Variants in TNR observed in about 807,000 individuals in gnomAD.
TNR encodes tenascin R.
Under a neutral mutation model 150.4 loss-of-function variants are expected in TNR, and 45 were observed. The ratio of observed to expected loss-of-function variants is 0.30; its 90% CI spans 0.24 to 0.38. TNR has a LOEUF of 0.38. TNR is among the 10% of genes least tolerant of loss of function. The pLI, the probability that TNR is intolerant of heterozygous loss-of-function variation, is 1.00. For synonymous variants in TNR, 687 were observed against 678.4 expected, an observed-to-expected ratio of 1.01 and a Z score of -0.20; for missense variants, 1,544 against 1,759.1, an observed-to-expected ratio of 0.88 and a Z score of 2.19.
intron 1 of TNR, among the ~76,000 whole-genome samples, chr1:175,555,391 C>T (rs1661112357): frequency 6.6e-6 from 1 of 152,040 alleles, no homozygotes; most frequent in African/African-American, 2.4e-5. Context: ...AAGAACTCCC[C>T]TGGTATTCTA....
chr1:175,374,949 C>G lies in TNR; in HGVS notation c.1963+4603G>C, dbSNP rs562618623. On this transcript the variant is annotated intron_variant, in intron 9 of 22. Transcript: ENST00000367674. Reference sequence around the variant, plus strand: ...GTGAGAGAGAGTGGATGGCTTAGGGCAAGCCCCCTCCCCTCCTGCTAAAAC... The same window carrying G: ...GTGAGAGAGAGTGGATGGCTTAGGGGAAGCCCCCTCCCCTCCTGCTAAAAC... 5.3e-5 allele frequency among the ~76,000 whole-genome samples: 8 copies of G among 152,290 alleles called. No homozygotes were observed. The East Asian group carries it at 1.5e-3, about 29-fold the overall frequency.
intron 1 of TNR, among the ~76,000 whole-genome samples, chr1:175,560,879 T>C (rs993791675): frequency 1.3e-5 from 2 of 152,236 alleles, no homozygotes; most frequent in Non-Finnish European, 2.9e-5. Flanking sequence ...AATTTGTTTA[T>C]CCAGTTTGAG....
chr1:175,493,374 C>T (rs1658340807), intron 2 of TNR, among the ~76,000 whole-genome samples: 1 of 152,110 alleles, frequency 6.6e-6, no homozygotes, highest in Admixed American at 6.5e-5. Flanking sequence ...AGAGACTTTC[C>T]CGGGCCATCT....
chr1:175,330,369 C>T (rs1463445707), intron 20 of TNR, 134 bp from the exon 21 acceptor site: 32 of 961,194 alleles, frequency 3.3e-5, no homozygotes, highest in Admixed American at 2.4e-4. Context: ...GCTCTTGGTG[C>T]TTCACAGGTT....
intron 9 of TNR, among the ~76,000 whole-genome samples, chr1:175,373,061 G>C (rs1652177467): frequency 6.6e-6 from 1 of 152,178 alleles, no homozygotes; most frequent in African/African-American, 2.4e-5. Context: ...GTAGTATAGT[G>C]AGAAAACATG....
intron 1 of TNR, among the ~76,000 whole-genome samples, chr1:175,680,064 C>T (rs917223394): frequency 1.3e-5 from 2 of 152,186 alleles, no homozygotes; most frequent in East Asian, 3.9e-4. Flanking sequence ...TGTACACCCC[C>T]AGCTGAAGCC....
At chr1:175,404,302 C>T (rs553148677) in intron 3 of TNR, among the ~76,000 whole-genome samples, 54 of 152,232 alleles carry the variant, frequency 3.5e-4, no homozygotes, top group African/African-American at 1.2e-3. Flanking sequence ...AAACCTGTCT[C>T]GCTCCCTCCC....
Position 175,328,563 on chromosome 1 carries a change from G to A in TNR, c.3793+1511C>T, listed in dbSNP as rs565436775. On this transcript the variant is annotated intron_variant, in intron 21 of 22. Coordinates refer to ENST00000367674, the MANE Select transcript of TNR (RefSeq NM_003285.3). ...GTGGTGTTGCCTAGAGGGGATGGCA[G>A]CCTAACGGAAGCCTAGCTTTTCATC... Among the ~76,000 whole-genome samples, 7 of 152,354 alleles carry A rather than the reference G, an allele frequency of 4.6e-5. No individual in the cohort carries two copies. In the East Asian group the frequency reaches 1.2e-3, roughly 25 times the overall value.
chr1:175,611,706 T>C (rs1163447642), intron 1 of TNR, among the ~76,000 whole-genome samples: 2 of 152,116 alleles, frequency 1.3e-5, no homozygotes, highest in Non-Finnish European at 2.9e-5. Flanking sequence ...AATTAATGTG[T>C]TCACTAGCTA....
intron 13 of TNR, 58 bp from the exon 14 acceptor site, chr1:175,362,867 A>G: frequency 6.2e-7 from 1 of 1,606,770 alleles, no homozygotes; most frequent in Non-Finnish European, 8.5e-7. Flanking sequence ...CAAGCAGCCC[A>G]TGGTACAGTC....
At chr1:175,329,510 G>C (rs1019675241) in intron 21 of TNR, among the ~76,000 whole-genome samples, 1 of 152,198 alleles carries the variant, frequency 6.6e-6, no homozygotes, top group African/African-American at 2.4e-5. Context: ...ATGAGGAACA[G>C]GTAAGTGGCA....
In TNR at chr1:175,396,743, G is replaced by A. The variant is rs772070027; in HGVS notation, c.1041C>T (p.Asp347=). The A allele has an allele frequency of 2.4e-5, 39 of 1,614,030 alleles. No homozygotes were observed. Among genetic ancestry groups the A allele is most frequent in the South Asian group, 1.8e-4 (16 of 91,084 alleles). ...CATATTCCGTCACTGCCATCGGCCC[G>A]TCCCATTCCAGCTCAATGGACCTGT... The part of the protein sequence containing the change: ...ISDRSIELEW[D]GPMAVTEYVI... The change falls in exon 5 of 23, where the codon GAC becomes GAT. Residue 347 remains aspartate, a synonymous_variant. Transcript: ENST00000367674.
At chr1:175,708,290 C>T (rs544731535) in intron 1 of TNR, among the ~76,000 whole-genome samples, 1 of 152,128 alleles carries the variant, frequency 6.6e-6, no homozygotes, top group Admixed American at 6.5e-5. Flanking sequence ...AGGACAGGCT[C>T]TCCAGGAGAA....
intron 1 of TNR, among the ~76,000 whole-genome samples, chr1:175,646,971 C>T (rs998308768): frequency 6.6e-6 from 1 of 152,214 alleles, no homozygotes; most frequent in African/African-American, 2.4e-5. Context: ...CAGGAGCTGA[C>T]CCCATCTTTC....
At chr1:175,640,051 A>G (rs945210228) in intron 1 of TNR, among the ~76,000 whole-genome samples, 25 of 152,336 alleles carry the variant, frequency 1.6e-4, no homozygotes, top group Non-Finnish European at 3.2e-4. Context: ...GCATTACCCC[A>G]AGAAATATTT....
chr1:175,580,954 T>C lies in TNR; in HGVS notation c.-164-52585A>G, dbSNP rs528205771. Among the ~76,000 whole-genome samples the C allele has an allele frequency of 2.6e-5, 4 of 152,332 alleles. No homozygotes were observed. The East Asian group carries it at 7.7e-4, about 29-fold the overall frequency. On this transcript the variant is annotated intron_variant, in intron 1 of 22. Transcript: ENST00000367674. ...GGGGGTGGGGGATGGGGGTCTCTGCTTTGAAAACAAAAACTGTGTGAAAAG... is the reference window on the plus strand; with the variant it reads ...GGGGGTGGGGGATGGGGGTCTCTGCCTTGAAAACAAAAACTGTGTGAAAAG...
chr1:175,536,212 C>T (rs147058977), intron 1 of TNR, among the ~76,000 whole-genome samples: 4 of 151,978 alleles, frequency 2.6e-5, no homozygotes, highest in African/African-American at 7.2e-5. Flanking sequence ...ACATTTATAC[C>T]ATTATTTTGA....
At chr1:175,403,019 T>A in intron 4 of TNR, 121 bp downstream of exon 4, 1 of 852,544 alleles carries the variant, frequency 1.2e-6, no homozygotes. Context: ...ACAACTCAAT[T>A]GAGAATTATT....
At chr1:175,385,364 T>C (rs1237916038) in intron 8 of TNR, among the ~76,000 whole-genome samples, 1 of 152,142 alleles carries the variant, frequency 6.6e-6, no homozygotes, top group Admixed American at 6.5e-5. Flanking sequence ...TTGGCAAAGC[T>C]CTTTAAGAGT....
Sources: allele counts gnomAD v4.1 joint callset (sites outside exome capture counted in the v4.1 genomes callset), GRCh38; gene constraint gnomAD v4.1.1; transcripts MANE v1.5; gene names NCBI Gene and HGNC (gene_info 2026-07-23, HGNC 2026-07-21).